Variants in AKT3 observed in about 807,000 individuals in gnomAD.
The protein encoded by AKT3 is RAC-gamma serine/threonine-protein kinase.
In AKT3, 15 loss-of-function variants were observed where a neutral mutation model predicts 65.3. That is an observed-to-expected ratio of 0.23 (90% CI 0.15 to 0.35). The LOEUF is 0.35. Ranked by LOEUF, AKT3 falls within the 10% of genes least tolerant of loss-of-function variation. AKT3 has a pLI of 1.00. For synonymous variants in AKT3, 206 were observed against 183.8 expected (o/e 1.12, Z -0.98); for missense variants, 243 against 576.5 (o/e 0.42, Z 5.92).
At chr1:243,770,085 T>C (rs1345974114) in intron 2 of AKT3, among the ~76,000 whole-genome samples, 1 of 152,216 alleles carries the variant, frequency 6.6e-6, no homozygotes, top group Non-Finnish European at 1.5e-5. Flanking sequence ...CTGAATCGCC[T>C]TGCCATCCTT....
At chr1:243,532,364 T>C (rs1671599248) in intron 12 of AKT3, among the ~76,000 whole-genome samples, 1 of 152,156 alleles carries the variant, frequency 6.6e-6, no homozygotes, top group Non-Finnish European at 1.5e-5. Context: ...TTTTACTGTT[T>C]TTATCATAAA....
intron 2 of AKT3, among the ~76,000 whole-genome samples, chr1:243,761,930 C>T (rs1378634634): frequency 1.3e-5 from 2 of 152,098 alleles, no homozygotes; most frequent in Non-Finnish European, 2.9e-5. Context: ...CAACGTTGCA[C>T]TGTCACTAAT....
At chr1:243,808,460 C>T (rs368392475) in intron 2 of AKT3, among the ~76,000 whole-genome samples, 46 of 151,926 alleles carry the variant, frequency 3.0e-4, no homozygotes, top group African/African-American at 5.6e-4. Context: ...TGAAATGAAG[C>T]GAGAAGAGAA....
At chr1:243,627,096 G>C (rs1679225134) in intron 6 of AKT3, among the ~76,000 whole-genome samples, 1 of 152,204 alleles carries the variant, frequency 6.6e-6, no homozygotes, top group Non-Finnish European at 1.5e-5. Context: ...AATTATTCAT[G>C]AAAACTCACA....
intron 6 of AKT3, among the ~76,000 whole-genome samples, chr1:243,616,788 A>C (rs1442407956): frequency 3.3e-5 from 5 of 152,210 alleles, no homozygotes; most frequent in Non-Finnish European, 5.9e-5. Flanking sequence ...CATTCAAAGA[A>C]GGTAAGATCA....
intron 2 of AKT3, among the ~76,000 whole-genome samples, chr1:243,717,865 G>A (rs953726843): frequency 1.3e-5 from 2 of 152,076 alleles, no homozygotes; most frequent in Non-Finnish European, 2.9e-5. Context: ...AGCTAATTTC[G>A]ATCATAAAAC....
At chr1:243,497,586 T>C (rs930454471), downstream of AKT3, among the ~76,000 whole-genome samples, 2 of 152,218 alleles carry the variant, frequency 1.3e-5, no homozygotes, top group East Asian at 1.9e-4. Context: ...TAGTGATAAA[T>C]TGCTAGGTGG....
chr1:243,544,108 G>GA (rs1269632540), intron 12 of AKT3, among the ~76,000 whole-genome samples: 1 of 151,996 alleles, frequency 6.6e-6, no homozygotes, highest in Admixed American at 6.6e-5. Context: ...TGAAATGGAT[G>GA]AACTAAAAAT....
At chr1:243,583,634 T>C (rs1391117989) in intron 8 of AKT3, among the ~76,000 whole-genome samples, 2 of 142,886 alleles carry the variant, frequency 1.4e-5, no homozygotes, top group African/African-American at 2.6e-5. Context: ...TGGACCACAG[T>C]GGAATAAAAA....
At chr1:243,535,168 A>AT (rs1671818794) in intron 12 of AKT3, among the ~76,000 whole-genome samples, 2 of 111,090 alleles carry the variant, frequency 1.8e-5, no homozygotes, top group African/African-American at 1.5e-4. Flanking sequence ...TTTAAAATAT[A>AT]TTTAAAATTT....
intron 2 of AKT3, among the ~76,000 whole-genome samples, chr1:243,836,842 G>A (rs894453259): frequency 2.0e-5 from 3 of 151,288 alleles, no homozygotes; most frequent in African/African-American, 7.3e-5. Flanking sequence ...AATCCAGGAG[G>A]CGGAGGTTGC....
intron 5 of AKT3, among the ~76,000 whole-genome samples, chr1:243,643,163 G>T (rs949528446): frequency 7.9e-5 from 12 of 152,188 alleles, no homozygotes; most frequent in African/African-American, 2.9e-4. Flanking sequence ...CAGCAGGTCT[G>T]GCCATTGTTC....
chr1:243,517,345 C>G (rs1235066514), intron 12 of AKT3, among the ~76,000 whole-genome samples: 1 of 152,128 alleles, frequency 6.6e-6, no homozygotes, highest in Non-Finnish European at 1.5e-5. Flanking sequence ...TAGTATTGCC[C>G]AAGTTGCTAT....
At chr1:243,654,382 T>C (rs1681605385) in intron 4 of AKT3, among the ~76,000 whole-genome samples, 1 of 152,232 alleles carries the variant, frequency 6.6e-6, no homozygotes, top group South Asian at 2.1e-4. Flanking sequence ...ATTTTGTTTT[T>C]CATTCCATTC....
chr1:243,674,808 G>C (rs538262927), intron 3 of AKT3, among the ~76,000 whole-genome samples: 1 of 152,334 alleles, frequency 6.6e-6, no homozygotes, highest in Non-Finnish European at 1.5e-5. Flanking sequence ...AGTTTTATTA[G>C]ATGTGATTGT....
At chr1:243,497,098 C>A (rs1233376085), downstream of AKT3, among the ~76,000 whole-genome samples, 2 of 152,192 alleles carry the variant, frequency 1.3e-5, no homozygotes, top group African/African-American at 4.8e-5. Flanking sequence ...CTGGACGAGA[C>A]CATGATCACT....
downstream of AKT3, among the ~76,000 whole-genome samples, chr1:243,496,573 G>A (rs1667962759): frequency 6.6e-6 from 1 of 152,240 alleles, no homozygotes; most frequent in Non-Finnish European, 1.5e-5. Flanking sequence ...GTTACCTTCA[G>A]AAGGGTTGGC....
In AKT3 at chr1:243,562,027, G is replaced by A. The variant is rs77093530; in HGVS notation, c.948+1693C>T. Among the ~76,000 whole-genome samples the A allele has an allele frequency of 9.8e-3, 1,489 of 152,176 alleles. 28 individuals carry two copies. The highest frequency in any genetic ancestry group is 0.035 in the African/African-American group (1,437 of 41,524). On this transcript the variant is annotated intron_variant, in intron 10 of 13. Coordinates refer to ENST00000673466, the MANE Select transcript of AKT3 (RefSeq NM_005465.7). ...CATAAAAGGAGATGCATAAACAAATGTTCATAGCAGCAGCATTATTCATAG... is the reference window on the plus strand; with the variant it reads ...CATAAAAGGAGATGCATAAACAAATATTCATAGCAGCAGCATTATTCATAG...
At chr1:243,703,179 G>A (rs943990753) in intron 2 of AKT3, 2 of 152,006 alleles carry the variant, frequency 1.3e-5, no homozygotes, top group African/African-American at 4.8e-5. Context: ...AAAGAATATG[G>A]CAAAATCTTT....
Sources: allele counts gnomAD v4.1 joint callset (sites outside exome capture counted in the v4.1 genomes callset), GRCh38; gene constraint gnomAD v4.1.1; transcripts MANE v1.5; gene names NCBI Gene and HGNC (gene_info 2026-07-23, HGNC 2026-07-21).